CDH12: variants seen among roughly 807,000 people sequenced by gnomAD.
The protein encoded by CDH12 is cadherin 12, also known as cadherin-12.
Under a neutral mutation model 74.1 loss-of-function variants are expected in CDH12, and 41 were observed. The observed-to-expected ratio is 0.55, with a 90% CI of 0.43 to 0.72. The LOEUF is 0.72. Among genes scored for constraint, CDH12 ranks in the 30% least tolerant of loss-of-function variants. The pLI, the probability that CDH12 is intolerant of heterozygous loss-of-function variation, is 0.00. For missense variants in CDH12, 945 were observed against 977.2 expected (o/e 0.97, Z 0.44); for synonymous variants, 399 against 355.0 (o/e 1.12, Z -1.39).
intron 1 of CDH12, among the ~76,000 whole-genome samples, chr5:22,669,123 C>T (rs978368328): frequency 1.3e-5 from 2 of 151,856 alleles, no homozygotes; most frequent in African/African-American, 4.8e-5. Flanking sequence ...CATTTTTCAT[C>T]AAAAATCCAT....
intron 1 of CDH12, among the ~76,000 whole-genome samples, chr5:22,772,067 T>C (rs557548300): frequency 6.6e-6 from 1 of 152,104 alleles, no homozygotes; most frequent in Admixed American, 6.6e-5. Context: ...CAGGTAGTGG[T>C]GAATAGGACT....
intron 1 of CDH12, among the ~76,000 whole-genome samples, chr5:22,770,869 G>A (rs1746769843): frequency 6.6e-6 from 1 of 152,026 alleles, no homozygotes; most frequent in Admixed American, 6.6e-5. Context: ...TAATCCTAAA[G>A]CACAATAGTG....
chr5:21,980,924 C>A (rs1757277735), intron 5 of CDH12, among the ~76,000 whole-genome samples: 1 of 151,984 alleles, frequency 6.6e-6, no homozygotes, highest in Non-Finnish European at 1.5e-5. Flanking sequence ...ACATTTTAAT[C>A]AAAGTAATAC....
chr5:22,066,946 C>T (rs1741605688), intron 5 of CDH12, among the ~76,000 whole-genome samples: 1 of 152,084 alleles, frequency 6.6e-6, no homozygotes, highest in Admixed American at 6.6e-5. Flanking sequence ...TCAGCACATC[C>T]CCTGGTACCT....
chr5:22,730,673 T>A (rs952183265), intron 1 of CDH12, among the ~76,000 whole-genome samples: 1 of 151,830 alleles, frequency 6.6e-6, no homozygotes, highest in Admixed American at 6.6e-5. Flanking sequence ...TTTGTTCACA[T>A]TGAAGTTGGG....
intron 2 of CDH12, among the ~76,000 whole-genome samples, chr5:22,482,257 A>T (rs184648914): frequency 6.6e-6 from 1 of 152,176 alleles, no homozygotes; most frequent in Non-Finnish European, 1.5e-5. Context: ...AGCATAATCC[A>T]GTAGACTTCC....
chr5:22,755,689 G>A (rs187449867), intron 1 of CDH12, among the ~76,000 whole-genome samples: 2 of 152,034 alleles, frequency 1.3e-5, no homozygotes, highest in East Asian at 1.9e-4. Context: ...ACACTCTCAA[G>A]ATTTATATTT....
At chr5:22,410,391 T>A (rs1265169320) in intron 2 of CDH12, among the ~76,000 whole-genome samples, 1 of 152,020 alleles carries the variant, frequency 6.6e-6, no homozygotes, top group Admixed American at 6.6e-5. Context: ...AGACTTCCAT[T>A]CCAGAGAAGG....
At chr5:22,327,165 G>T (rs13179082) in intron 3 of CDH12, among the ~76,000 whole-genome samples, 54,936 of 151,854 alleles carry the variant, frequency 0.36, 10,124 homozygotes, top group South Asian at 0.47. Flanking sequence ...TCTAATTGGT[G>T]TCACACAAGG....
chr5:22,026,307 G>A (rs1738348043), intron 5 of CDH12, among the ~76,000 whole-genome samples: 1 of 152,120 alleles, frequency 6.6e-6, no homozygotes, highest in South Asian at 2.1e-4. Flanking sequence ...AATAAAGACG[G>A]ACTGCAGACA....
chr5:22,494,608 A>G lies in CDH12; in HGVS notation c.-428+10662T>C, dbSNP rs929856504. ...TGCTCCAGGAACTTACATCTTGTTT[A>G]TATCAAGTAGCGTATGGTAAAACTG... On this transcript the variant is annotated intron_variant, in intron 2 of 14. Transcript: ENST00000382254. Among the ~76,000 whole-genome samples the G allele has an allele frequency of 3.3e-5, 5 of 152,328 alleles. No homozygotes were observed. The South Asian group carries it at 1.0e-3, about 32-fold the overall frequency.
At chr5:22,668,513 T>G (rs1740736892) in intron 1 of CDH12, among the ~76,000 whole-genome samples, 1 of 152,164 alleles carries the variant, frequency 6.6e-6, no homozygotes, top group Admixed American at 6.5e-5. Flanking sequence ...CTGCATCTGG[T>G]GGGGGCCTTC....
At chr5:22,670,337 C>T (rs1740840850) in intron 1 of CDH12, among the ~76,000 whole-genome samples, 1 of 152,008 alleles carries the variant, frequency 6.6e-6, no homozygotes, top group South Asian at 2.1e-4. Flanking sequence ...TCTTTAAAGC[C>T]TGTTTTCATC....
intron 8 of CDH12, among the ~76,000 whole-genome samples, chr5:21,818,407 TCTGC>T (rs1462079329): frequency 6.6e-6 from 1 of 152,030 alleles, no homozygotes; most frequent in East Asian, 1.9e-4. Context: ...TTGTAGAGAT[TCTGC>T]CAGATATTTT....
chr5:22,327,466 G>A (rs1739170618), intron 3 of CDH12, among the ~76,000 whole-genome samples: 2 of 146,692 alleles, frequency 1.4e-5, no homozygotes, highest in East Asian at 3.9e-4. Flanking sequence ...GTGTGTGTGT[G>A]TGTGCATCTG....
intron 1 of CDH12, among the ~76,000 whole-genome samples, chr5:22,761,581 C>T (rs1209256181): frequency 6.6e-6 from 1 of 152,116 alleles, no homozygotes; most frequent in Non-Finnish European, 1.5e-5. Flanking sequence ...CCAATCAGAA[C>T]AGGTTTTACT....
chr5:22,264,040 C>T (rs571561786), intron 3 of CDH12, among the ~76,000 whole-genome samples: 93 of 151,694 alleles, frequency 6.1e-4, no homozygotes, highest in African/African-American at 2.1e-3. Context: ...TTTTAAAGAA[C>T]CACATTGCTC....
At position 21,751,832 on chromosome 5, in the gene CDH12, C is replaced by G. The variant is rs1426752905; in HGVS notation, c.2290G>C (p.Asp764His). ...IDSLTTEADQ[D>H]YDYLTDWGPR... is the part of the protein sequence containing the mutation. The stretch of plus-strand genomic sequence containing the variant: ...CCCCAGTCTGTCAGATAGTCATAGT[C>G]CTGGTCGGCTTCTGTGGTGAGAGAG... The change falls in exon 15 of 15, where the codon GAC (aspartate) becomes CAC (histidine). Residue 764 changes from aspartate (D) to histidine (H), a missense_variant. Asp to His is a moderately conservative substitution (Grantham distance 81). This residue lies in a region of CDH12 where 791 missense variants were observed against 792.8 expected (regional missense o/e 1.00). Transcript: ENST00000382254. 18 of 1,613,944 alleles carry G rather than the reference C, an allele frequency of 1.1e-5. No homozygotes were observed. Among genetic ancestry groups the G allele is most frequent in the Non-Finnish European group, 1.5e-5 (18 of 1,180,016 alleles).
At chr5:22,211,946 A>AT (rs1580408696) in intron 4 of CDH12, among the ~76,000 whole-genome samples, 1 of 151,966 alleles carries the variant, frequency 6.6e-6, no homozygotes, top group African/African-American at 2.4e-5. Flanking sequence ...TTCTAGTTTC[A>AT]TTTTTCTTAA....
Sources: gnomAD v4.1 joint callset for allele counts (sites outside exome capture counted in the v4.1 genomes callset) on GRCh38, gnomAD v4.1.1 for gene constraint, gnomAD v4.1.1 regional missense constraint, MANE v1.5 for transcripts, NCBI Gene and HGNC (gene_info 2026-07-23, HGNC 2026-07-21) for gene names.